Variants in DLG2 observed in about 807,000 individuals in gnomAD.
DLG2 encodes discs large MAGUK scaffold protein 2.
A neutral mutation model predicts 132.5 loss-of-function variants in DLG2; 45 were observed. That is an observed-to-expected ratio of 0.34 (90% CI 0.27 to 0.44). The LOEUF (loss-of-function observed/expected upper bound fraction) is 0.44, where lower values mean the gene tolerates loss of function less well. Among genes scored for constraint, DLG2 ranks in the 20% least tolerant of loss-of-function variants. The pLI, the probability that DLG2 is intolerant of heterozygous loss-of-function variation, is 1.00. For missense variants in DLG2, 1,045 were observed against 1,196.9 expected (o/e 0.87, Z 1.87); for synonymous variants, 424 against 419.6 (o/e 1.01, Z -0.13).
At chr11:84,498,655 TA>T (rs1191118567) in intron 7 of DLG2, among the ~76,000 whole-genome samples, 1 of 152,132 alleles carries the variant, frequency 6.6e-6, no homozygotes. Context: ...AACCCTACTT[TA>T]AAAAAATGAT....
intron 17 of DLG2, among the ~76,000 whole-genome samples, chr11:83,788,363 T>G (rs975183461): frequency 3.9e-5 from 6 of 152,208 alleles, no homozygotes; most frequent in African/African-American, 1.2e-4. Flanking sequence ...CAGAAAGCAT[T>G]GATTACATGG....
At chr11:83,632,453 G>C (rs548780157) in intron 19 of DLG2, 2 of 152,168 alleles carry the variant, frequency 1.3e-5, no homozygotes, top group African/African-American at 4.8e-5. Flanking sequence ...TCTTCCTTTT[G>C]CCTGTTAGTA....
intron 6 of DLG2, among the ~76,000 whole-genome samples, chr11:85,071,214 T>C (rs767619117): frequency 1.6e-4 from 25 of 151,842 alleles, no homozygotes; most frequent in Non-Finnish European, 3.2e-4. Flanking sequence ...ATAATACTCT[T>C]TCCAGACTTT....
intron 8 of DLG2, among the ~76,000 whole-genome samples, chr11:84,208,150 T>A (rs1351289046): frequency 6.6e-6 from 1 of 152,178 alleles, no homozygotes. Context: ...ATTTTACTTT[T>A]ACTATATATT....
At chr11:85,170,976 C>A (rs1318106448) in intron 4 of DLG2, among the ~76,000 whole-genome samples, 2 of 150,794 alleles carry the variant, frequency 1.3e-5, no homozygotes, top group African/African-American at 4.9e-5. Context: ...CTCTTCCTTA[C>A]AGGAAAATGT....
chr11:85,472,044 C>T (rs2093000953), intron 3 of DLG2, among the ~76,000 whole-genome samples: 2 of 152,118 alleles, frequency 1.3e-5, no homozygotes, highest in South Asian at 4.1e-4. Context: ...CCTGGTGAAA[C>T]CCGACCTTCA....
chr11:85,403,109 T>C (rs1169254419), intron 3 of DLG2, among the ~76,000 whole-genome samples: 1 of 152,088 alleles, frequency 6.6e-6, no homozygotes, highest in Admixed American at 6.6e-5. Flanking sequence ...CCATCAACAA[T>C]AGACTGGATT....
chr11:84,194,666 A>T (rs1003448317), intron 8 of DLG2, among the ~76,000 whole-genome samples: 1 of 152,196 alleles, frequency 6.6e-6, no homozygotes, highest in Non-Finnish European at 1.5e-5. Flanking sequence ...TGGTGTATTT[A>T]CAAACCTTTA....
At chr11:85,204,112 A>G (rs924612770) in intron 4 of DLG2, among the ~76,000 whole-genome samples, 6 of 152,122 alleles carry the variant, frequency 3.9e-5, no homozygotes, top group Non-Finnish European at 5.9e-5. Flanking sequence ...AAGCATTTCC[A>G]TAAGATACCG....
At chr11:84,082,511 C>A (rs965321286) in intron 10 of DLG2, among the ~76,000 whole-genome samples, 4 of 152,070 alleles carry the variant, frequency 2.6e-5, no homozygotes, top group African/African-American at 9.7e-5. Flanking sequence ...ACTAAAACAC[C>A]AATCCACACT....
rs567367631 is a variant in DLG2, at chr11:84,578,408, C to A, written c.358-43677G>T. 9.2e-5 allele frequency among the ~76,000 whole-genome samples: 14 copies of A among 152,232 alleles called. No individual in the cohort carries two copies. In the East Asian group the frequency reaches 2.5e-3, roughly 27 times the overall value. ...GGATGGAGGTTGTACCCTGCAAAGC[C>A]ACAGAGGCAGAGCTGCCCAAGAGCA... On this transcript the variant is annotated intron_variant, in intron 6 of 27. Transcript: ENST00000376104.
chr11:84,717,309 C>T (rs942091520), intron 6 of DLG2, among the ~76,000 whole-genome samples: 2 of 151,868 alleles, frequency 1.3e-5, no homozygotes, highest in Non-Finnish European at 2.9e-5. Flanking sequence ...ATCTGTGTCT[C>T]CATGATTTTT....
At chr11:83,748,651 A>G (rs555076233) in intron 18 of DLG2, among the ~76,000 whole-genome samples, 1 of 152,360 alleles carries the variant, frequency 6.6e-6, no homozygotes, top group East Asian at 1.9e-4. Flanking sequence ...TTCACTAAGA[A>G]GACAATGTTT....
At chr11:83,919,314 G>A (rs2154119236) in intron 15 of DLG2, among the ~76,000 whole-genome samples, 1 of 152,256 alleles carries the variant, frequency 6.6e-6, no homozygotes, top group Middle Eastern at 3.4e-3. Context: ...AACTTACCAA[G>A]TAACTGGTCA....
chr11:84,720,591 G>A (rs1238326307), intron 6 of DLG2: 1 of 567,988 alleles, frequency 1.8e-6, no homozygotes, highest in South Asian at 7.7e-5. Context: ...CTTCCCTGGG[G>A]AACGAGGCGT....
At chr11:85,619,784 A>G (rs972579817) in intron 2 of DLG2, among the ~76,000 whole-genome samples, 10 of 152,090 alleles carry the variant, frequency 6.6e-5, no homozygotes, top group Non-Finnish European at 1.3e-4. Flanking sequence ...CAGTGAACCG[A>G]GATTGCGCAA....
At chr11:85,145,198 G>C (rs921546922) in intron 5 of DLG2, among the ~76,000 whole-genome samples, 3 of 152,010 alleles carry the variant, frequency 2.0e-5, no homozygotes, top group African/African-American at 4.8e-5. Flanking sequence ...GTTGTTGCCA[G>C]ATGTATGCTC....
At chr11:83,551,487 T>A (rs2096389640) in intron 19 of DLG2, among the ~76,000 whole-genome samples, 1 of 152,150 alleles carries the variant, frequency 6.6e-6, no homozygotes. Context: ...TCCAAATCCT[T>A]AGTACCATCA....
intron 7 of DLG2, among the ~76,000 whole-genome samples, chr11:84,293,932 T>G (rs780483895): frequency 3.3e-5 from 5 of 152,158 alleles, no homozygotes; most frequent in Non-Finnish European, 7.4e-5. Context: ...GGGGAGGACA[T>G]GAACCTCCTG....
Sources: gnomAD v4.1 joint callset for allele counts (sites outside exome capture counted in the v4.1 genomes callset) on GRCh38, gnomAD v4.1.1 for gene constraint, MANE v1.5 for transcripts, NCBI Gene and HGNC (gene_info 2026-07-23, HGNC 2026-07-21) for gene names.